GRIN3B: variants seen among roughly 807,000 people sequenced by gnomAD.
The protein encoded by GRIN3B is glutamate receptor ionotropic, NMDA 3B.
A neutral mutation model predicts 66.0 loss-of-function variants in GRIN3B; 77 were observed. The ratio of observed to expected loss-of-function variants is 1.17; its 90% CI spans 0.97 to 1.41. The LOEUF (loss-of-function observed/expected upper bound fraction) is 1.41, where lower values mean the gene tolerates loss of function less well. GRIN3B is among the 40% of genes most tolerant of loss of function. GRIN3B has a pLI of 0.00. For missense variants in GRIN3B, 1,787 were observed against 1,564.5 expected, an observed-to-expected ratio of 1.14 and a Z score of -2.40; for synonymous variants, 823 against 749.7, an observed-to-expected ratio of 1.10 and a Z score of -1.60.
chr19:1,006,874 G>T (rs192472673), intron 3 of GRIN3B, among the ~76,000 whole-genome samples: 23 of 152,314 alleles, frequency 1.5e-4, no homozygotes, highest in African/African-American at 5.5e-4. Flanking sequence ...CCACAGGCAC[G>T]ATGGGATTCA....
intron 3 of GRIN3B, among the ~76,000 whole-genome samples, chr19:1,006,971 G>A (rs2038755857): frequency 6.6e-6 from 1 of 152,216 alleles, no homozygotes; most frequent in African/African-American, 2.4e-5. Flanking sequence ...CTCATTAGGG[G>A]TCTGCACCAG....
In GRIN3B at chr19:1,004,947, C is replaced by A; in HGVS notation, c.1446C>A (p.Asp482Glu). 1 of 1,612,254 alleles carries A rather than the reference C, an allele frequency of 6.2e-7. No individual in the cohort carries two copies. The highest frequency in any genetic ancestry group is 1.1e-5 in the South Asian group (1 of 91,074). ...AGTGCTGCTACGGCTACTGCATTGA[C>A]CTGCTGGAGCGGCTGGCGGAGGACA... is the stretch of plus-strand genomic sequence containing the variant. ...LRKCCYGYCI[D>E]LLERLAEDTP... Residue 482 changes from aspartate (D) to glutamate (E), a missense_variant, in exon 3 of 9, where the codon GAC becomes GAA. Transcript: ENST00000234389.
intron 5 of GRIN3B, 42 bp from the exon 6 acceptor site, chr19:1,008,098 G>T: frequency 6.4e-7 from 1 of 1,570,720 alleles, no homozygotes. Flanking sequence ...GTTCCCCTGG[G>T]GCTGTCCCAC....
At position 1,004,546 on chromosome 19, in the gene GRIN3B, G is replaced by A. The variant is rs2038719434; in HGVS notation, c.1045G>A (p.Gly349Ser). The A allele has an allele frequency of 7.5e-6, 12 of 1,603,934 alleles. No homozygotes were observed. The highest frequency in any genetic ancestry group is 8.5e-6 in the Non-Finnish European group (10 of 1,175,864). The change falls in exon 3 of 9, where the codon GGC becomes AGC. Residue 349 changes from glycine to serine, a missense_variant. Coordinates refer to ENST00000234389, the MANE Select transcript of GRIN3B (RefSeq NM_138690.3). ...GTTCCTGGCCAACACGTCCTTCCAG[G>A]GCCGCACGGGCCCCGTGTGGGTGAC... ...ARFLANTSFQ[G>S]RTGPVWVTGS...
rs1435016954 is a variant in GRIN3B at position 1,009,290 on chromosome 19, C to T, written c.2820C>T (p.Pro940=). Residue 940 remains proline (P), a synonymous_variant, in exon 9 of 9, where the codon CCC becomes CCT. Transcript: ENST00000234389. ...KERRVRFLLE[P]AVVVAPEADA... ...GCCGCGTGCGCTTCCTGCTGGAGCC[C>T]GCCGTGGTTGTGGCACCCGAAGCGG... 36 of 1,410,740 alleles carry T rather than the reference C, an allele frequency of 2.6e-5. No homozygotes were observed. The East Asian group carries it at 1.0e-3, about 39-fold the overall frequency. The allele number at this position is 1,410,740 out of a possible 1,614,324, so 87.4% of individuals were successfully genotyped here. A position where few individuals can be genotyped will look rare whatever the true frequency, so the allele number is the denominator to read the frequency against.
rs779544648 is a variant in GRIN3B at position 1,005,020 on chromosome 19, G to A, written c.1519G>A (p.Ala507Thr). ...LYLVGDGKYG[A>T]LRDGRWTGLV... ...CCTCGTGGGTGACGGCAAGTACGGC[G>A]CCCTGCGGGACGGCCGCTGGACCGG... Residue 507 changes from alanine (A) to threonine (T), a missense_variant, in exon 3 of 9, where the codon GCC (alanine) becomes ACC (threonine). Physicochemically the swap from Ala to Thr is moderately conservative, Grantham distance 58 (BLOSUM62 0). Transcript: ENST00000234389. This position sits in a 1 kb window ranked among gnomAD's most constrained non-coding sequence, Gnocchi z 5.2. The A allele has an allele frequency of 7.1e-5, 114 of 1,611,868 alleles. No homozygotes were observed. In the Middle Eastern group the frequency reaches 2.0e-3, roughly 28 times the overall value.
chr19:1,003,120 C>T lies in GRIN3B; in HGVS notation c.427-10C>T. ...GTCGTCAACCCTAACCGTGGCCACC[C>T]CTCTCCCAGAACCCATTCCACCTGC... On this transcript the variant is annotated splice_polypyrimidine_tract_variant and intron_variant, in intron 1 of 8. Coordinates refer to ENST00000234389, the MANE Select transcript of GRIN3B (RefSeq NM_138690.3). The T allele has an allele frequency of 7.0e-7, 1 of 1,431,208 alleles. No individual in the cohort carries two copies. The highest frequency in any genetic ancestry group is 9.2e-7 in the Non-Finnish European group (1 of 1,092,620). 88.7% of individuals were successfully genotyped at this position (1,431,208 alleles called of 1,614,324 possible).
chr19:1,005,520 C>G lies in GRIN3B; in HGVS notation c.2019C>G (p.Thr673=), dbSNP rs766348834. 2.7e-5 allele frequency: 43 copies of G among 1,610,644 alleles called. No individual in the cohort carries two copies. Among genetic ancestry groups the G allele is most frequent in the Non-Finnish European group, 3.4e-5 (40 of 1,178,392 alleles). The change falls in exon 3 of 9, where the codon ACC becomes ACG. Residue 673 remains threonine (T), a synonymous_variant. Transcript: ENST00000234389. This position sits in a 1 kb window ranked among gnomAD's most constrained non-coding sequence, Gnocchi z 5.2. ...CTGCCGTCATGGTCGGGGACAAGACCTTCGAGGAGCTGTCGGGGATCCACG... is the reference window on the plus strand; with the variant it reads ...CTGCCGTCATGGTCGGGGACAAGACGTTCGAGGAGCTGTCGGGGATCCACG... ...NLAAVMVGDK[T]FEELSGIHDP... is the part of the protein sequence containing the mutation.
chr19:1,004,494 CT>C, intron 2 of GRIN3B, 26 bp from the exon 3 acceptor site: 1 of 1,555,328 alleles, frequency 6.4e-7, no homozygotes, highest in Non-Finnish European at 8.7e-7. Context: ...ACTTCGACAC[CT>C]GACACCCCCC....
rs752388570 is a variant in GRIN3B, at chr19:1,008,635, C to G, written c.2484C>G (p.Ile828Met). ...FAVTETLQMS[I>M]YHFAGLFVLL... ...GCCCCCAGACCCTGCAGATGAGCAT[C>G]TACCACTTCGCGGGCCTCTTCGTGT... Residue 828 changes from isoleucine to methionine, a missense_variant, in exon 7 of 9, where the codon ATC (isoleucine) becomes ATG (methionine). Coordinates refer to ENST00000234389, the MANE Select transcript of GRIN3B (RefSeq NM_138690.3). The G allele has an allele frequency of 6.2e-7, 1 of 1,600,578 alleles. No individual in the cohort carries two copies. The highest frequency in any genetic ancestry group is 1.1e-5 in the South Asian group (1 of 91,056).
intron 1 of GRIN3B, among the ~76,000 whole-genome samples, chr19:1,002,465 C>CAA (rs34464705): frequency 0.038 from 3,565 of 93,452 alleles, 88 homozygotes; most frequent in East Asian, 0.16. Context: ...GACTCCATCT[C>CAA]AAAAAAAAAA....
chr19:1,008,820 C>CG (rs2038797236), intron 7 of GRIN3B, 37 bp from the exon 8 acceptor site: 1 of 1,591,454 alleles, frequency 6.3e-7, no homozygotes, highest in Middle Eastern at 1.7e-4. Context: ...CCCACCCCCC[C>CG]CGCCTCCTCG....
chr19:1,005,259 C>T lies in GRIN3B; in HGVS notation c.1758C>T (p.His586=). The T allele has an allele frequency of 6.2e-7, 1 of 1,613,490 alleles. No individual in the cohort carries two copies. Among genetic ancestry groups the T allele is most frequent in the African/African-American group, 1.3e-5 (1 of 75,062 alleles). Residue 586 remains histidine, a synonymous_variant, in exon 3 of 9, where the codon CAC becomes CAT. Transcript: ENST00000234389. This position sits in a 1 kb window ranked among gnomAD's most constrained non-coding sequence, Gnocchi z 5.2. ...GGCTGGGCGTCTTTGCGGCCCTGCA[C>T]CTCACCGCGCTCTTCCTCACCGTGT... ...STWLGVFAAL[H]LTALFLTVYE...
chr19:1,006,417 C>T (rs1238868070), intron 3 of GRIN3B, among the ~76,000 whole-genome samples: 1 of 151,496 alleles, frequency 6.6e-6, no homozygotes, highest in African/African-American at 2.4e-5. Context: ...GTGCTGGGAT[C>T]ACAGGTGTGA....
At position 1,007,234 on chromosome 19, in the gene GRIN3B, G is replaced by A. The variant is rs2038759539; in HGVS notation, c.2053-394G>A. 6.6e-6 allele frequency among the ~76,000 whole-genome samples: 1 copy of A among 151,920 alleles called. No homozygotes were observed. Among genetic ancestry groups the A allele is most frequent in the South Asian group, 2.1e-4 (1 of 4,820 alleles). On this transcript the variant is annotated intron_variant, in intron 3 of 8. Transcript: ENST00000234389. The surrounding 1 kb of genome is among the most constrained non-coding windows in gnomAD (Gnocchi z 4.4). ...GAGCTGCCTCCGCCTGGGGTGGGAA[G>A]AGCGAGTGGGGGCAGATCAGGAGTG...
In GRIN3B at chr19:1,004,952, T is replaced by C; in HGVS notation, c.1451T>C (p.Leu484Pro). 1 of 1,612,058 alleles carries C rather than the reference T, an allele frequency of 6.2e-7. No individual in the cohort carries two copies. Among genetic ancestry groups the C allele is most frequent in the Non-Finnish European group, 8.5e-7 (1 of 1,179,594 alleles). ...TGCTACGGCTACTGCATTGACCTGC[T>C]GGAGCGGCTGGCGGAGGACACGCCC... ...KCCYGYCIDL[L>P]ERLAEDTPFD... is the part of the protein sequence containing the mutation. The change falls in exon 3 of 9, where the codon CTG becomes CCG. Residue 484 changes from leucine (L) to proline (P), a missense_variant. By Grantham distance (98) the Leu-to-Pro change is moderately conservative. Transcript: ENST00000234389.
Position 1,008,948 on chromosome 19 carries a change from A to G in GRIN3B, c.2702+21A>G. 3 of 1,586,998 alleles carry G rather than the reference A, an allele frequency of 1.9e-6. No homozygotes were observed. The South Asian group carries it at 3.4e-5, about 18-fold the overall frequency. ...CCCAGGTAAGTGGTGGTCGGGGCGG[A>G]CCACGATGCAGGACCACCCAGACCC... On this transcript the variant is annotated intron_variant, in intron 8 of 8. Transcript: ENST00000234389.
Position 1,009,192 on chromosome 19 carries a change from CA to C in GRIN3B, c.2723del (p.Gln908ArgfsTer177). 7.0e-7 allele frequency: 1 copy of C among 1,430,056 alleles called. No individual in the cohort carries two copies. Among genetic ancestry groups the C allele is most frequent in the African/African-American group, 1.5e-5 (1 of 67,374 alleles). 88.6% of individuals were successfully genotyped at this position (1,430,056 alleles called of 1,614,324 possible). A position where few individuals can be genotyped will look rare whatever the true frequency, so the allele number is the denominator to read the frequency against. ...CCCCAGCGGCCCCGAGGTGGAGCAG[CA>C]GCAGCAGCAGCAGGACCAGCCAACG... ...AEPSGPEVEQ[Q>X]QQQQDQPTAP... is the part of the protein sequence containing the mutation. On this transcript the variant is annotated frameshift_variant, in exon 9 of 9. Transcript: ENST00000234389. LOFTEE classifies it low-confidence loss of function (END_TRUNC).
chr19:1,008,838 G>T lies in GRIN3B; in HGVS notation c.2632-19G>T. 1 of 1,600,640 alleles carries T rather than the reference G, an allele frequency of 6.2e-7. No individual in the cohort carries two copies. The highest frequency in any genetic ancestry group is 8.5e-7 in the Non-Finnish European group (1 of 1,174,078). Reference sequence around the variant, plus strand: ...ACCCCCCCCGCCTCCTCGCCAACCGGGTCTGTCTGGGGTCTTAGAAAATCC... The same window carrying T: ...ACCCCCCCCGCCTCCTCGCCAACCGTGTCTGTCTGGGGTCTTAGAAAATCC... On this transcript the variant is annotated intron_variant, in intron 7 of 8. Coordinates refer to ENST00000234389, the MANE Select transcript of GRIN3B (RefSeq NM_138690.3).
Sources: gnomAD v4.1 joint callset for allele counts (sites outside exome capture counted in the v4.1 genomes callset) on GRCh38, gnomAD v4.1.1 for gene constraint, Gnocchi (gnomAD v3.1) non-coding constraint, MANE v1.5 for transcripts, NCBI Gene and HGNC (gene_info 2026-07-23, HGNC 2026-07-21) for gene names.